The following PDE8B variants were observed in gnomAD, a reference collection of about 807,000 sequenced individuals.
PDE8B encodes the protein high affinity cAMP-specific and IBMX-insensitive 3',5'-cyclic phosphodiesterase 8B.
In PDE8B, 26 loss-of-function variants were observed where a neutral mutation model predicts 101.3. That is an observed-to-expected ratio of 0.26 (90% CI 0.19 to 0.36). PDE8B has a LOEUF of 0.36. PDE8B is among the 10% of genes least tolerant of loss of function. PDE8B has a pLI of 1.00. For missense variants in PDE8B, 810 were observed against 1,163.1 expected (o/e 0.70, Z 4.42); for synonymous variants, 424 against 429.3 (o/e 0.99, Z 0.15).
At chr5:77,312,093 T>A in intron 2 of PDE8B, 40 bp downstream of exon 2, 1 of 1,439,458 alleles carries the variant, frequency 6.9e-7, no homozygotes, top group Non-Finnish European at 9.7e-7. Flanking sequence ...CAGATTATTT[T>A]CTTTTTTTTT....
the PDE8B span, chr5:77,140,532 G>T: frequency 6.6e-6 from 1 of 152,250 alleles, no homozygotes; most frequent in East Asian, 1.9e-4. Context: ...TCTAGAATCT[G>T]GGGATTTCCC....
intron 5 of PDE8B, among the ~76,000 whole-genome samples, chr5:77,332,579 T>C (rs1172404345): frequency 2.0e-5 from 3 of 152,214 alleles, no homozygotes; most frequent in African/African-American, 7.2e-5. Flanking sequence ...GGCTCACGCC[T>C]GTAATCCCAG....
At chr5:77,244,239 A>G (rs1040449461) in intron 1 of PDE8B, among the ~76,000 whole-genome samples, 1 of 152,136 alleles carries the variant, frequency 6.6e-6, no homozygotes, top group Non-Finnish European at 1.5e-5. Context: ...GACCTCTGAA[A>G]TGGCACAGTA....
the PDE8B span, among the ~76,000 whole-genome samples, chr5:77,099,735 G>T: frequency 5.3e-5 from 8 of 151,876 alleles, no homozygotes; most frequent in Middle Eastern, 3.2e-3. Context: ...TCAGCCTCCC[G>T]AGTAGCTGGG....
At chr5:77,208,172 C>T (rs1050490461), upstream of PDE8B, among the ~76,000 whole-genome samples, 1 of 152,170 alleles carries the variant, frequency 6.6e-6, no homozygotes, top group African/African-American at 2.4e-5. Flanking sequence ...TAATGTTCTC[C>T]ACCAGAAGAT....
At chr5:77,149,126 T>C in the PDE8B span, among the ~76,000 whole-genome samples, 1 of 152,186 alleles carries the variant, frequency 6.6e-6, no homozygotes, top group African/African-American at 2.4e-5. Context: ...GAAAAGACTA[T>C]CCTTTCCCCA....
intron 1 of PDE8B, among the ~76,000 whole-genome samples, chr5:77,299,242 T>G (rs934963904): frequency 2.0e-5 from 3 of 150,686 alleles, no homozygotes; most frequent in Non-Finnish European, 4.4e-5. Context: ...AGAGTTGTTT[T>G]TTTGTTTGTT....
intron 10 of PDE8B, among the ~76,000 whole-genome samples, chr5:77,396,657 A>G (rs1470634812): frequency 3.3e-5 from 5 of 152,154 alleles, no homozygotes; most frequent in Non-Finnish European, 5.9e-5. Flanking sequence ...TTTTATCTGT[A>G]TCATTTTTCA....
chr5:77,141,593 T>A, the PDE8B span: 1 of 152,302 alleles, frequency 6.6e-6, no homozygotes, highest in Middle Eastern at 3.4e-3. Context: ...AAAGACAGGG[T>A]CTTATTCAAC....
Position 77,426,536 on chromosome 5 carries a change from G to A in PDE8B, c.2640G>A (p.Arg880=), listed in dbSNP as rs1236550693. 3.1e-6 allele frequency: 5 copies of A among 1,606,882 alleles called. No homozygotes were observed. In the Admixed American group the frequency reaches 8.3e-5, roughly 27 times the overall value. ...ATGACCTAAAGTGCAAAAGTTTGAG[G>A]CTTCCATCTGACAGCTAAAGCCAAG... ...TLDDLKCKSL[R]LPSDS The change falls in exon 22 of 22, where the codon AGG becomes AGA. Residue 880 remains arginine (R), a synonymous_variant. Coordinates refer to ENST00000264917, the MANE Select transcript of PDE8B (RefSeq NM_003719.5).
chr5:77,157,043 T>C, the PDE8B span, among the ~76,000 whole-genome samples: 1 of 152,094 alleles, frequency 6.6e-6, no homozygotes, highest in Non-Finnish European at 1.5e-5. Flanking sequence ...TTCAGCAGGG[T>C]GATCATGGCT....
In PDE8B at chr5:77,210,975, G is replaced by T; in HGVS notation, c.50G>T (p.Cys17Phe). 1 of 1,538,382 alleles carries T rather than the reference G, an allele frequency of 6.5e-7. No individual in the cohort carries two copies. The highest frequency in any genetic ancestry group is 8.7e-7 in the Non-Finnish European group (1 of 1,152,376). ...IHVSQSGVIYCRDSDESSSPR... is the reference protein window; with the variant it reads ...IHVSQSGVIYFRDSDESSSPR... Reference sequence around the variant, plus strand: ...GTCTCGCAGAGCGGCGTGATCTACTGCCGGGACTCGGACGAGTCCAGCTCG... The same window carrying T: ...GTCTCGCAGAGCGGCGTGATCTACTTCCGGGACTCGGACGAGTCCAGCTCG... Residue 17 changes from cysteine (C) to phenylalanine (F), a missense_variant, in exon 1 of 22, where the codon TGC (cysteine) becomes TTC (phenylalanine). Coordinates refer to ENST00000264917, the MANE Select transcript of PDE8B (RefSeq NM_003719.5). The surrounding 1 kb of genome is among the most constrained non-coding windows in gnomAD (Gnocchi z 4.9).
At chr5:77,131,950 C>A in the PDE8B span, among the ~76,000 whole-genome samples, 4 of 152,124 alleles carry the variant, frequency 2.6e-5, no homozygotes, top group Admixed American at 2.6e-4. Flanking sequence ...AGAATTGAAT[C>A]ACAAGATTAA....
Position 77,225,880 on chromosome 5 carries a change from A to ACC in PDE8B, c.339+14619_339+14620dup, listed in dbSNP as rs879406471. On this transcript the variant is annotated intron_variant, in intron 1 of 21. Coordinates refer to ENST00000264917, the MANE Select transcript of PDE8B (RefSeq NM_003719.5). ...CACACACACACACACACACACACAC[A>ACC]CCCCACGCACACATCTCAGAATACC... 6.6e-3 allele frequency among the ~76,000 whole-genome samples: 662 copies of ACC among 100,750 alleles called. 2 individuals are homozygous for ACC. The highest frequency in any genetic ancestry group is 0.01 in the Non-Finnish European group (500 of 48,972). The allele number at this position is 100,750 out of a possible 152,430, so 66.1% of individuals were successfully genotyped here. A position where few individuals can be genotyped will look rare whatever the true frequency, so the allele number is the denominator to read the frequency against.
the PDE8B span, among the ~76,000 whole-genome samples, chr5:77,182,466 T>C: frequency 2.6e-5 from 4 of 152,086 alleles, no homozygotes; most frequent in Non-Finnish European, 5.9e-5. Context: ...CTGGAAGACA[T>C]CCTTTCTGTG....
chr5:77,387,964 T>C (rs1789086666), intron 10 of PDE8B, among the ~76,000 whole-genome samples: 1 of 152,186 alleles, frequency 6.6e-6, no homozygotes, highest in African/African-American at 2.4e-5. Context: ...TTATTCTAGA[T>C]AGCAATTCAT....
rs762559017 is a variant in PDE8B at position 77,421,802 on chromosome 5, C to A, written c.2251-19C>A. The A allele has an allele frequency of 2.5e-6, 4 of 1,613,118 alleles. No homozygotes were observed. The South Asian group carries it at 3.3e-5, about 13-fold the overall frequency. ...ACCGTCATCTTGAACCAAGCCTGAT[C>A]TGACCATCTGTTTTCCAGATTGAAG... On this transcript the variant is annotated intron_variant, in intron 19 of 21. Transcript: ENST00000264917.
intron 10 of PDE8B, among the ~76,000 whole-genome samples, chr5:77,397,089 G>C (rs1214492136): frequency 7.8e-6 from 1 of 129,030 alleles, no homozygotes; most frequent in Non-Finnish European, 1.5e-5. Flanking sequence ...CTGGAGTACA[G>C]TGGCATGATC....
At chr5:77,098,244 T>G in the PDE8B span, among the ~76,000 whole-genome samples, 530 of 152,174 alleles carry the variant, frequency 3.5e-3, 8 homozygotes, top group Middle Eastern at 0.024. Context: ...GAATTGTTTT[T>G]AATGTTCACC....
Sources: allele counts gnomAD v4.1 joint callset (sites outside exome capture counted in the v4.1 genomes callset), GRCh38; gene constraint gnomAD v4.1.1; non-coding constraint Gnocchi (gnomAD v3.1); transcripts MANE v1.5; gene names NCBI Gene and HGNC (gene_info 2026-07-23, HGNC 2026-07-21).